The following EPAS1 variants were observed in gnomAD, a reference collection of about 807,000 sequenced individuals.
EPAS1 encodes endothelial PAS domain-containing protein 1.
EPAS1 carries 23 observed loss-of-function variants against 87.9 expected under a neutral mutation model. That is an observed-to-expected ratio of 0.26 (90% confidence interval 0.19 to 0.37). EPAS1 has a LOEUF of 0.37. Among genes scored for constraint, EPAS1 ranks in the 10% least tolerant of loss-of-function variants. EPAS1 has a pLI of 1.00. For missense variants in EPAS1, 1,138 were observed against 1,120.7 expected, an observed-to-expected ratio of 1.02 and a Z score of -0.22; for synonymous variants, 508 against 444.3, an observed-to-expected ratio of 1.14 and a Z score of -1.80.
intron 1 of EPAS1, among the ~76,000 whole-genome samples, chr2:46,320,780 T>G (rs1213920494): frequency 1.3e-5 from 2 of 152,214 alleles, no homozygotes; most frequent in Non-Finnish European, 2.9e-5. Context: ...TGTGTGAGAG[T>G]TTAGTTTAAG....
chr2:46,380,268 T>C lies in EPAS1; in HGVS notation c.1596T>C (p.Tyr532=), dbSNP rs113170465. 2.5e-6 allele frequency: 4 copies of C among 1,613,778 alleles called. No homozygotes were observed. The highest frequency in any genetic ancestry group is 1.1e-5 in the South Asian group (1 of 91,078). The change falls in exon 12 of 16, where the codon TAT becomes TAC. Residue 532 remains tyrosine (Y), a synonymous_variant. Transcript: ENST00000263734. This position sits in a 1 kb window ranked among gnomAD's most constrained non-coding sequence, Gnocchi z 4.4. ...NELDLETLAP[Y]IPMDGEDFQL... is the part of the protein sequence containing the mutation. ...TGGACTTGGAGACACTGGCACCCTATATCCCCATGGACGGGGAAGACTTCC... is the reference window on the plus strand; with the variant it reads ...TGGACTTGGAGACACTGGCACCCTACATCCCCATGGACGGGGAAGACTTCC...
At position 46,317,631 on chromosome 2, in the gene EPAS1, G is replaced by A. The variant is rs539644781; in HGVS notation, c.26+19694G>A. Among the ~76,000 whole-genome samples the A allele has an allele frequency of 4.0e-3, 604 of 152,304 alleles. 8 individuals are homozygous for A. Among genetic ancestry groups the A allele is most frequent in the Non-Finnish European group, 4.2e-3 (286 of 68,032 alleles). ...AACTCACCAGCTGCATTAGTCCCTAGTAAGAGAGTCAGCCTGTCCTTTGAA... is the reference window on the plus strand; with the variant it reads ...AACTCACCAGCTGCATTAGTCCCTAATAAGAGAGTCAGCCTGTCCTTTGAA... On this transcript the variant is annotated intron_variant, in intron 1 of 15. Transcript: ENST00000263734.
chr2:46,302,118 C>CTGTGTGTGTGTGTGTGTG (rs35880089), intron 1 of EPAS1, among the ~76,000 whole-genome samples: 12 of 127,642 alleles, frequency 9.4e-5, no homozygotes, highest in Admixed American at 8.5e-4. Flanking sequence ...CTCTTTCTCT[C>CTGTGTGTGTGTGTGTGTG]TGTGTGTGTG....
rs113593554 is a variant in EPAS1, at chr2:46,382,057, C to T, written c.2255C>T (p.Pro752Leu). ...AGGGGTGGGAGCTGCCCTTTGATGC[C>T]GGACAAGCCACTGAGCGCAAATGTA... The part of the protein sequence containing the change: ...NLRGGSCPLM[P>L]DKPLSANVPN... Residue 752 changes from proline (P) to leucine (L), a missense_variant, in exon 14 of 16, where the codon CCG (proline) becomes CTG (leucine). By Grantham distance (98) the Pro-to-Leu change is moderately conservative. Around this residue, in one of 4 missense-constraint regions of EPAS1, gnomAD observed 502 missense variants for 427.1 expected, o/e 1.18. Transcript: ENST00000263734. 1.0e-3 allele frequency: 1,654 copies of T among 1,613,020 alleles called. 9 individuals are homozygous for T. The African/African-American group carries it at 0.019, about 18-fold the overall frequency.
At chr2:46,307,851 G>A (rs1313151216) in intron 1 of EPAS1, among the ~76,000 whole-genome samples, 1 of 152,192 alleles carries the variant, frequency 6.6e-6, no homozygotes, top group African/African-American at 2.4e-5. Context: ...TATCCTCGGA[G>A]CACAGAGAAT....
chr2:46,382,028 C>A lies in EPAS1; in HGVS notation c.2226C>A (p.Asn742Lys), dbSNP rs1684907862. 6.2e-7 allele frequency: 1 copy of A among 1,613,876 alleles called. No homozygotes were observed. The highest frequency in any genetic ancestry group is 2.2e-5 in the East Asian group (1 of 44,846). ...ATTTGATGTGGAAACGGATGAAGAA[C>A]CTCAGGGGTGGGAGCTGCCCTTTGA... ...TSHLMWKRMK[N>K]LRGGSCPLMP... Residue 742 changes from asparagine (N) to lysine (K), a missense_variant, in exon 14 of 16, where the codon AAC (asparagine) becomes AAA (lysine). Around this residue, in one of 4 missense-constraint regions of EPAS1, gnomAD observed 502 missense variants for 427.1 expected, o/e 1.18. Transcript: ENST00000263734.
chr2:46,337,299 G>A (rs886773483), intron 1 of EPAS1, among the ~76,000 whole-genome samples: 1 of 152,212 alleles, frequency 6.6e-6, no homozygotes, highest in Non-Finnish European at 1.5e-5. Flanking sequence ...ATGGGACTTG[G>A]AGGAGAAGTC....
At chr2:46,362,244 C>T (rs1198099931) in intron 6 of EPAS1, among the ~76,000 whole-genome samples, 1 of 152,226 alleles carries the variant, frequency 6.6e-6, no homozygotes, top group Non-Finnish European at 1.5e-5. Flanking sequence ...CCTCAGATCT[C>T]AGTTTCCCCT....
At chr2:46,376,466 T>G (rs1316412868) in intron 8 of EPAS1, 73 bp from the exon 9 acceptor site, 34 of 1,465,752 alleles carry the variant, frequency 2.3e-5, no homozygotes, top group Non-Finnish European at 3.2e-5. Context: ...CTATGAGGGT[T>G]TCCATGCATC....
chr2:46,374,444 G>A (rs1354198224), intron 7 of EPAS1, among the ~76,000 whole-genome samples: 4 of 152,204 alleles, frequency 2.6e-5, no homozygotes, highest in Non-Finnish European at 4.4e-5. Context: ...CAACACTTAT[G>A]TACCTGATAA....
chr2:46,314,487 G>A (rs931107142), intron 1 of EPAS1, among the ~76,000 whole-genome samples: 1 of 152,152 alleles, frequency 6.6e-6, no homozygotes, highest in East Asian at 1.9e-4. Context: ...TCAGGAAAAC[G>A]TCCTGTTTGT....
intron 15 of EPAS1, 48 bp downstream of exon 15, chr2:46,382,646 G>C: frequency 6.2e-7 from 1 of 1,611,054 alleles, no homozygotes; most frequent in Non-Finnish European, 8.5e-7. Flanking sequence ...TTCGATGCCA[G>C]GGGAAGCCCA....
intron 1 of EPAS1, among the ~76,000 whole-genome samples, chr2:46,329,264 A>C (rs1683624325): frequency 6.6e-6 from 1 of 152,162 alleles, no homozygotes; most frequent in Non-Finnish European, 1.5e-5. Context: ...AGGCAACCAC[A>C]GGGTAGGAGG....
At chr2:46,356,371 T>C (rs1483845154) in intron 3 of EPAS1, 69 bp downstream of exon 3, 40 of 1,593,094 alleles carry the variant, frequency 2.5e-5, no homozygotes, top group Non-Finnish European at 2.6e-5. Context: ...GAGTGGAAGG[T>C]GCTAGCCACA....
chr2:46,382,529 A>G lies in EPAS1; in HGVS notation c.2392A>G (p.Arg798Gly), dbSNP rs541354758. 54 of 1,614,190 alleles carry G rather than the reference A, an allele frequency of 3.3e-5. No individual in the cohort carries two copies. The South Asian group carries it at 5.4e-4, about 16-fold the overall frequency. ...CAGTCCCGGGGAGAACAGCAAGAGC[A>G]GGTTCCCCCCACAGTGCTACGCCAC... ...AISPGENSKSRFPPQCYATQY... is the reference protein window; with the variant it reads ...AISPGENSKSGFPPQCYATQY... The change falls in exon 15 of 16, where the codon AGG (arginine) becomes GGG (glycine). Residue 798 changes from arginine (R) to glycine (G), a missense_variant. By Grantham distance (125) the Arg-to-Gly change is moderately radical (BLOSUM62 -2). This residue lies in a region of EPAS1 where 502 missense variants were observed against 427.1 expected (regional missense o/e 1.18). Transcript: ENST00000263734.
chr2:46,377,986 C>G lies in EPAS1; in HGVS notation c.1342C>G (p.Gln448Glu). The G allele has an allele frequency of 6.3e-7, 1 of 1,578,638 alleles. No homozygotes were observed. The highest frequency in any genetic ancestry group is 8.6e-7 in the Non-Finnish European group (1 of 1,161,830). The change falls in exon 10 of 16, where the codon CAG (glutamine) becomes GAG (glutamate). Residue 448 changes from glutamine to glutamate, a missense_variant. Coordinates refer to ENST00000263734, the MANE Select transcript of EPAS1 (RefSeq NM_001430.5). ...WATELRSHST[Q>E]SEAGSLPAFT... ...CACGGAGTTGAGGAGCCACAGCACC[C>G]AGAGCGAGGCTGGGAGCCTGCCTGC...
Position 46,347,011 on chromosome 2 carries a change from C to T in EPAS1, c.165C>T (p.Ser55=). The T allele has an allele frequency of 6.2e-7, 1 of 1,614,244 alleles. No individual in the cohort carries two copies. The highest frequency in any genetic ancestry group is 8.5e-7 in the Non-Finnish European group (1 of 1,180,042). ...TGAGCTCCCATCTGGACAAGGCCTC[C>T]ATCATGCGACTGGCAATCAGCTTCC... The part of the protein sequence containing the change: ...HSVSSHLDKA[S]IMRLAISFLR... The change falls in exon 2 of 16, where the codon TCC becomes TCT. Residue 55 remains serine (S), a synonymous_variant. Coordinates refer to ENST00000263734, the MANE Select transcript of EPAS1 (RefSeq NM_001430.5). The surrounding 1 kb of genome is among the most constrained non-coding windows in gnomAD (Gnocchi z 4.2).
chr2:46,368,512 G>C (rs537950116), intron 6 of EPAS1, among the ~76,000 whole-genome samples: 1 of 152,194 alleles, frequency 6.6e-6, no homozygotes, highest in Non-Finnish European at 1.5e-5. Context: ...GAAAGCTGTA[G>C]ATACTTAAAT....
At position 46,371,340 on chromosome 2, in the gene EPAS1, T is replaced by C. The variant is rs561699921; in HGVS notation, c.886+1407T>C. On this transcript the variant is annotated intron_variant, in intron 7 of 15. Transcript: ENST00000263734. The surrounding 1 kb of genome is among the most constrained non-coding windows in gnomAD (Gnocchi z 4.3). The stretch of plus-strand genomic sequence containing the variant: ...ACATGGTTAACCCACTCTTAAGGAG[T>C]GAGATCTTTCTTTTCTTTTATTGGT... 6.6e-5 allele frequency among the ~76,000 whole-genome samples: 10 copies of C among 151,698 alleles called. No homozygotes were observed. In the East Asian group the frequency reaches 1.9e-3, roughly 29 times the overall value.
Sources: gnomAD v4.1 joint callset for allele counts (sites outside exome capture counted in the v4.1 genomes callset) on GRCh38, gnomAD v4.1.1 for gene constraint, gnomAD v4.1.1 regional missense constraint, Gnocchi (gnomAD v3.1) non-coding constraint, MANE v1.5 for transcripts, NCBI Gene and HGNC (gene_info 2026-07-23, HGNC 2026-07-21) for gene names.